Variants in WDR19 observed in about 807,000 individuals in gnomAD.
WDR19 encodes the protein WD repeat-containing protein 19.
WDR19 carries 121 observed loss-of-function variants against 180.0 expected under a neutral mutation model. The observed-to-expected ratio is 0.67, with a 90% CI of 0.58 to 0.78. The LOEUF is 0.78. Among genes scored for constraint, WDR19 ranks in the 30% least tolerant of loss-of-function variants. The pLI, the probability that WDR19 is intolerant of heterozygous loss-of-function variation, is 0.00. For missense variants in WDR19, 1,450 were observed against 1,640.7 expected, an observed-to-expected ratio of 0.88 and a Z score of 2.01; for synonymous variants, 497 against 540.7, an observed-to-expected ratio of 0.92 and a Z score of 1.12.
intron 9 of WDR19, among the ~76,000 whole-genome samples, chr4:39,211,951 G>C (rs1456381196): frequency 5.0e-5 from 7 of 138,852 alleles, no homozygotes; most frequent in Admixed American, 1.4e-4. Context: ...GAGAGAGAGA[G>C]AGAGAGAGAG....
In WDR19 at chr4:39,218,104, A is replaced by G. The variant is rs750706588; in HGVS notation, c.1478A>G (p.Asp493Gly). ...LTSDFLIYGT[D>G]TGVVQYFYIE... Reference sequence around the variant, plus strand: ...AGTGATTTCCTCATCTATGGTACAGATGTATGTATTGCCTTCTTTTTTAGA... The same window carrying G: ...AGTGATTTCCTCATCTATGGTACAGGTGTATGTATTGCCTTCTTTTTTAGA... The change falls in exon 14 of 37, where the codon GAT becomes GGT. Residue 493 changes from aspartate to glycine, a missense_variant and splice_region_variant. Transcript: ENST00000399820. 6.2e-7 allele frequency: 1 copy of G among 1,608,232 alleles called. No homozygotes were observed. The highest frequency in any genetic ancestry group is 2.2e-5 in the East Asian group (1 of 44,822).
chr4:39,273,333 G>A, intron 32 of WDR19: 1 of 440,014 alleles, frequency 2.3e-6, no homozygotes. Flanking sequence ...TTCACGCAAA[G>A]GCGAGCAGGT....
intron 24 of WDR19, among the ~76,000 whole-genome samples, chr4:39,250,035 A>G (rs887078543): frequency 1.3e-5 from 2 of 152,214 alleles, no homozygotes; most frequent in African/African-American, 4.8e-5. Context: ...TGGCAGAGAC[A>G]CAACGAAAAA....
chr4:39,192,526 G>A (rs1370889892), intron 4 of WDR19, among the ~76,000 whole-genome samples: 2 of 152,194 alleles, frequency 1.3e-5, no homozygotes, highest in Admixed American at 6.5e-5. Context: ...CTGGAGTGCA[G>A]TGGCTTGATC....
intron 28 of WDR19, among the ~76,000 whole-genome samples, chr4:39,265,361 A>G (rs1463307545): frequency 1.3e-5 from 2 of 152,110 alleles, no homozygotes; most frequent in Non-Finnish European, 2.9e-5. Context: ...GTCATGCGCA[A>G]GTACATTTCC....
At chr4:39,212,994 G>T (rs1325315506) in intron 9 of WDR19, among the ~76,000 whole-genome samples, 3 of 152,138 alleles carry the variant, frequency 2.0e-5, no homozygotes, top group Admixed American at 1.3e-4. Context: ...TACTCAACAT[G>T]ATTAGCCATT....
intron 12 of WDR19, among the ~76,000 whole-genome samples, chr4:39,216,850 C>G (rs1283807289): frequency 6.6e-6 from 1 of 152,136 alleles, no homozygotes; most frequent in African/African-American, 2.4e-5. Flanking sequence ...TTTCTTGCAA[C>G]TTAAGGTTTA....
chr4:39,242,513 G>A (rs1560529506), intron 21 of WDR19, among the ~76,000 whole-genome samples: 1 of 152,076 alleles, frequency 6.6e-6, no homozygotes, highest in Non-Finnish European at 1.5e-5. Context: ...TAGTTGTGGG[G>A]TTTTTTCTAT....
chr4:39,284,306 C>T (rs1159812128), intron 36 of WDR19, among the ~76,000 whole-genome samples: 1 of 149,036 alleles, frequency 6.7e-6, no homozygotes, highest in Non-Finnish European at 1.5e-5. Context: ...AGTTCACTGA[C>T]CTTTCTTCTA....
Position 39,215,918 on chromosome 4 carries a change from C to T in WDR19, c.1039C>T (p.Leu347=), listed in dbSNP as rs201958863. ...STQRGSLHVF[L]TKLPILGDAC... is the part of the protein sequence containing the mutation. Reference sequence around the variant, plus strand: ...CCAAAGGGGCTCACTTCATGTTTTCCTGACCAAGCTTCCCATACTTGGGGA... The same window carrying T: ...CCAAAGGGGCTCACTTCATGTTTTCTTGACCAAGCTTCCCATACTTGGGGA... Residue 347 remains leucine (L), a synonymous_variant, in exon 11 of 37, where the codon CTG becomes TTG. Transcript: ENST00000399820. The T allele has an allele frequency of 1.5e-4, 243 of 1,613,660 alleles. No individual in the cohort carries two copies. In the Middle Eastern group the frequency reaches 2.8e-3, roughly 19 times the overall value.
At chr4:39,220,011 G>A (rs1212042523) in intron 14 of WDR19, among the ~76,000 whole-genome samples, 1 of 152,052 alleles carries the variant, frequency 6.6e-6, no homozygotes, top group African/African-American at 2.4e-5. Context: ...TTGAGCTTAG[G>A]AGTTCAAGAC....
chr4:39,194,736 C>T lies in WDR19; in HGVS notation c.406+77C>T. ...GTAAATTCTGCCGCCTCAGGTTTCCCTGATCTTGCAATGGAAATTTTGCAG... is the reference window on the plus strand; with the variant it reads ...GTAAATTCTGCCGCCTCAGGTTTCCTTGATCTTGCAATGGAAATTTTGCAG... On this transcript the variant is annotated intron_variant, in intron 5 of 36. Transcript: ENST00000399820. 8 of 1,154,896 alleles carry T rather than the reference C, an allele frequency of 6.9e-6. No individual in the cohort carries two copies. In the South Asian group the frequency reaches 6.9e-5, roughly 10 times the overall value. 71.5% of individuals were successfully genotyped at this position (1,154,896 alleles called of 1,614,324 possible).
At chr4:39,278,262 C>A in intron 35 of WDR19, 55 bp downstream of exon 35, 1 of 1,432,998 alleles carries the variant, frequency 7.0e-7, no homozygotes, top group Non-Finnish European at 9.5e-7. Context: ...ACAGGCCTTT[C>A]ATTCTACCTC....
At chr4:39,270,999 A>G (rs748591653) in intron 31 of WDR19, among the ~76,000 whole-genome samples, 34 of 151,316 alleles carry the variant, frequency 2.2e-4, no homozygotes, top group Non-Finnish European at 4.0e-4. Flanking sequence ...GCTTCAAGCA[A>G]TTCCCCTGCC....
At chr4:39,183,492 C>G (rs1042652867) in intron 1 of WDR19, among the ~76,000 whole-genome samples, 1 of 152,102 alleles carries the variant, frequency 6.6e-6, no homozygotes, top group Admixed American at 6.5e-5. Context: ...CTCATGATCC[C>G]CCGACCTCGG....
intron 9 of WDR19, among the ~76,000 whole-genome samples, chr4:39,211,934 AG>A (rs1728560128): frequency 3.1e-3 from 1 of 324 alleles, no homozygotes; most frequent in East Asian, 0.12. Flanking sequence ...ACAGACAGAG[AG>A]AGAGAGAGAG....
intron 5 of WDR19, among the ~76,000 whole-genome samples, chr4:39,195,395 C>A (rs4974992): frequency 0.45 from 62,142 of 137,980 alleles, 13,991 homozygotes; most frequent in African/African-American, 0.58. Flanking sequence ...AACAAACAAA[C>A]AAAAAAAAAC....
rs748936645 is a variant in WDR19 at position 39,270,064 on chromosome 4, C to A, written c.3447C>A (p.Thr1149=). The A allele has an allele frequency of 6.2e-7, 1 of 1,613,838 alleles. No individual in the cohort carries two copies. The highest frequency in any genetic ancestry group is 8.5e-7 in the Non-Finnish European group (1 of 1,179,870). The change falls in exon 31 of 37, where the codon ACC becomes ACA. Residue 1149 remains threonine (T), a synonymous_variant. Transcript: ENST00000399820. ...QKIKIPSEMA[T]NLMILHSYIL... is the part of the protein sequence containing the mutation. The stretch of plus-strand genomic sequence containing the variant: ...TCAAAATTCCCTCCGAGATGGCCAC[C>A]AACCTCATGATTCTGCACAGCTATA...
rs766295292 is a variant in WDR19, at chr4:39,189,694, TC to T, written c.205del (p.Leu69Ter). The T allele has an allele frequency of 2.5e-6, 4 of 1,611,994 alleles. No individual in the cohort carries two copies. In the South Asian group the frequency reaches 4.4e-5, roughly 18 times the overall value. On this transcript the variant is annotated frameshift_variant, in exon 4 of 37. Coordinates refer to ENST00000399820, the MANE Select transcript of WDR19 (RefSeq NM_025132.4). LOFTEE classifies it high-confidence loss of function. ...VAMDWDKDGD[V>X]LAVIAEKSSC... ...ATGGATTGGGATAAAGATGGAGATG[TC>T]CTAGCAGTGATTGCTGAGAAATCTA...
Sources: allele counts gnomAD v4.1 joint callset (sites outside exome capture counted in the v4.1 genomes callset), GRCh38; gene constraint gnomAD v4.1.1; transcripts MANE v1.5; gene names NCBI Gene and HGNC (gene_info 2026-07-23, HGNC 2026-07-21).